The following BCL2L11 variants were observed in gnomAD, a reference collection of about 807,000 sequenced individuals.
BCL2L11 encodes the protein bcl-2-like protein 11.
A neutral mutation model predicts 20.6 loss-of-function variants in BCL2L11; 15 were observed. That is an observed-to-expected ratio of 0.73 (90% confidence interval 0.49 to 1.12). The LOEUF is 1.12. Ranked by LOEUF, BCL2L11 falls within the 50% of genes most tolerant of loss-of-function variation. The probability of loss-of-function intolerance (pLI) is 0.00; values close to 1 mark genes in which losing one functional copy is unlikely to be tolerated. For synonymous variants in BCL2L11, 108 were observed against 92.8 expected, an observed-to-expected ratio of 1.16 and a Z score of -0.94; for missense variants, 292 against 260.9, an observed-to-expected ratio of 1.12 and a Z score of -0.82.
At chr2:111,136,056 A>T (rs936642737) in intron 2 of BCL2L11, among the ~76,000 whole-genome samples, 4 of 152,128 alleles carry the variant, frequency 2.6e-5, no homozygotes, top group Admixed American at 2.6e-4. Flanking sequence ...CACTCTGGCC[A>T]CGCGGTGCTG....
chr2:111,149,469 T>C (rs527466835), intron 2 of BCL2L11, among the ~76,000 whole-genome samples: 2 of 152,354 alleles, frequency 1.3e-5, no homozygotes, highest in East Asian at 3.9e-4. Context: ...ATGCTTTCAT[T>C]TGGCCCTGGG....
At chr2:111,161,615 T>C in intron 3 of BCL2L11, 1 of 1,478,374 alleles carries the variant, frequency 6.8e-7, no homozygotes, top group Non-Finnish European at 9.0e-7. Flanking sequence ...TGACAGCTCC[T>C]GGCTCAGTCT....
At chr2:111,130,537 A>G (rs1156939327) in intron 2 of BCL2L11, among the ~76,000 whole-genome samples, 1 of 152,224 alleles carries the variant, frequency 6.6e-6, no homozygotes, top group Non-Finnish European at 1.5e-5. Context: ...GGAGGTCTAT[A>G]TAGTTATGTG....
chr2:111,151,291 C>T (rs2077228828), intron 3 of BCL2L11, among the ~76,000 whole-genome samples: 2 of 152,186 alleles, frequency 1.3e-5, no homozygotes, highest in Admixed American at 6.5e-5. Context: ...AAAGGGTACA[C>T]TAGCAAATGT....
In BCL2L11 at chr2:111,164,252, G is replaced by A. The variant is rs1403373729; in HGVS notation, c.*21G>A. The A allele has an allele frequency of 3.9e-6, 6 of 1,548,376 alleles. No individual in the cohort carries two copies. In the African/African-American group the frequency reaches 5.4e-5, roughly 14 times the overall value. ...ATTGACAGGTTCTTTGCGGAGCCGA[G>A]ATACCATGCAGACATTTTGCTTGTT... is the stretch of plus-strand genomic sequence containing the variant. On this transcript the variant is annotated 3_prime_UTR_variant, in exon 4 of 4. Coordinates refer to ENST00000393256, the MANE Select transcript of BCL2L11 (RefSeq NM_138621.5).
chr2:111,140,931 A>G (rs550727792), intron 2 of BCL2L11, among the ~76,000 whole-genome samples: 47 of 152,290 alleles, frequency 3.1e-4, no homozygotes, highest in African/African-American at 6.5e-4. Context: ...TGAAGCTTAG[A>G]ACTCTGTCCT....
At chr2:111,153,453 C>G (rs1169629341) in intron 3 of BCL2L11, among the ~76,000 whole-genome samples, 1 of 152,138 alleles carries the variant, frequency 6.6e-6, no homozygotes, top group Non-Finnish European at 1.5e-5. Flanking sequence ...AGACACCCGT[C>G]TTGATACTTG....
chr2:111,125,297 T>C (rs1482169320), intron 2 of BCL2L11, among the ~76,000 whole-genome samples: 1 of 152,232 alleles, frequency 6.6e-6, no homozygotes, highest in Non-Finnish European at 1.5e-5. Flanking sequence ...TGACTTTGGG[T>C]ACATACTTTG....
chr2:111,146,215 A>G (rs2076490440), intron 2 of BCL2L11: 1 of 984,640 alleles, frequency 1.0e-6, no homozygotes, highest in Non-Finnish European at 1.2e-6. Flanking sequence ...TTCACATAAA[A>G]TTGCCAAGTT....
At chr2:111,150,179 T>A in intron 3 of BCL2L11, 32 bp downstream of exon 3, 2 of 1,608,070 alleles carry the variant, frequency 1.2e-6, no homozygotes, top group Non-Finnish European at 1.7e-6. Context: ...GCTTTTCTGC[T>A]CACACCCTCC....
chr2:111,136,228 G>A (rs2074860405), intron 2 of BCL2L11, among the ~76,000 whole-genome samples: 1 of 152,214 alleles, frequency 6.6e-6, no homozygotes, highest in Admixed American at 6.5e-5. Flanking sequence ...TCTTGGAAAG[G>A]CCCAGTTGGA....
chr2:111,165,867 A>G lies in BCL2L11; in HGVS notation c.*1636A>G, dbSNP rs1025776456. 3.9e-5 allele frequency: 6 copies of G among 152,228 alleles called. No homozygotes were observed. Among genetic ancestry groups the G allele is most frequent in the African/African-American group, 1.4e-4 (6 of 41,464 alleles). The allele number at this position is 152,228 out of a possible 1,614,324, so 9.4% of individuals were successfully genotyped here. A position where few individuals can be genotyped will look rare whatever the true frequency, so the allele number is the denominator to read the frequency against. ...GAGCCAGCATGTTCACGTTATTTAA[A>G]TTAGGTGGAAAAATCTAAACATTTT... On this transcript the variant is annotated 3_prime_UTR_variant, in exon 4 of 4. Transcript: ENST00000393256.
chr2:111,161,327 T>A, intron 3 of BCL2L11: 2 of 1,463,386 alleles, frequency 1.4e-6, no homozygotes, highest in South Asian at 1.2e-5. Flanking sequence ...AATAGTTTTT[T>A]AAAAAACGCT....
chr2:111,131,827 A>T (rs1225775312), intron 2 of BCL2L11: 1 of 152,178 alleles, frequency 6.6e-6, no homozygotes, highest in East Asian at 1.9e-4. Context: ...GGGAAAGTGT[A>T]TATATGCTTC....
intron 2 of BCL2L11, among the ~76,000 whole-genome samples, chr2:111,137,633 CT>C (rs575699231): frequency 0.13 from 17,444 of 132,876 alleles, 1,154 homozygotes; most frequent in East Asian, 0.24. Context: ...TTCCTCCCCA[CT>C]TTTTTTTTTT....
At chr2:111,129,553 T>C (rs1232653710) in intron 2 of BCL2L11, among the ~76,000 whole-genome samples, 1 of 152,240 alleles carries the variant, frequency 6.6e-6, no homozygotes, top group African/African-American at 2.4e-5. Context: ...TGCCTAATTA[T>C]AGTATACTGT....
intron 2 of BCL2L11, among the ~76,000 whole-genome samples, chr2:111,136,323 G>A (rs1254341298): frequency 6.6e-6 from 1 of 152,168 alleles, no homozygotes; most frequent in African/African-American, 2.4e-5. Flanking sequence ...AAGTCCTGAG[G>A]TCCCCAGCAG....
At chr2:111,150,412 AT>A in intron 3 of BCL2L11, 1 of 517,220 alleles carries the variant, frequency 1.9e-6, no homozygotes, top group Non-Finnish European at 3.2e-6. Flanking sequence ...AAAAGGGATT[AT>A]TTATAGACTT....
intron 1 of BCL2L11, chr2:111,123,251 T>TC (rs1394942391): frequency 2.0e-6 from 2 of 985,338 alleles, no homozygotes; most frequent in African/African-American, 3.5e-5. Flanking sequence ...TGCCAGACCT[T>TC]CCCCAGACTT....
Sources: gnomAD v4.1 joint callset for allele counts (sites outside exome capture counted in the v4.1 genomes callset) on GRCh38, gnomAD v4.1.1 for gene constraint, MANE v1.5 for transcripts, NCBI Gene and HGNC (gene_info 2026-07-23, HGNC 2026-07-21) for gene names.